The following MCTS2 variants were observed in gnomAD, a reference collection of about 807,000 sequenced individuals.
MCTS2 encodes the protein malignant T-cell-amplified sequence 2.
the MCTS2 span, chr20:31,548,045 A>G: frequency 6.4e-7 from 1 of 1,570,670 alleles, no homozygotes; most frequent in Non-Finnish European, 8.8e-7. Context: ...AAGACATATA[A>G]ATGAGCCTCA....
chr20:31,547,517 T>C, the MCTS2 span: 3 of 755,566 alleles, frequency 4.0e-6, no homozygotes, highest in South Asian at 1.6e-5. Flanking sequence ...TTCAAGAAGT[T>C]TGATGAAAAG....
At chr20:31,547,730 G>A in the MCTS2 span, 2 of 1,125,310 alleles carry the variant, frequency 1.8e-6, no homozygotes, top group Non-Finnish European at 2.6e-6. Flanking sequence ...CAAAGAAAGG[G>A]GCCTTTTTGT....
chr20:31,547,432 C>T, the MCTS2 span: 1 of 507,274 alleles, frequency 2.0e-6, no homozygotes, highest in Non-Finnish European at 3.5e-6. Flanking sequence ...CGCCGGCCTT[C>T]CTGCAGGGGA....
At chr20:31,547,416 C>T in the MCTS2 span, 2 of 461,346 alleles carry the variant, frequency 4.3e-6, no homozygotes, top group Non-Finnish European at 7.8e-6. Flanking sequence ...GGCCGCGTGG[C>T]GCCCGCGCCG....
the MCTS2 span, chr20:31,547,521 TGAAAAG>T: frequency 1.2e-5 from 9 of 768,484 alleles, no homozygotes; most frequent in African/African-American, 1.3e-4. Flanking sequence ...AGAAGTTTGA[TGAAAAG>T]GAAAGTGTGT....
At chr20:31,548,043 T>A in the MCTS2 span, 5 of 1,573,936 alleles carry the variant, frequency 3.2e-6, no homozygotes, top group Non-Finnish European at 4.4e-6. Context: ...TGAAGACATA[T>A]AAATGAGCCT....
chr20:31,547,892 C>T, the MCTS2 span: 4 of 1,055,240 alleles, frequency 3.8e-6, no homozygotes, highest in South Asian at 3.8e-5. Context: ...GCAGTAGATA[C>T]GATTGTAGCA....
chr20:31,548,074 G>A, the MCTS2 span: 1 of 1,389,838 alleles, frequency 7.2e-7, no homozygotes, highest in East Asian at 2.3e-5. Flanking sequence ...GCATTTGGGG[G>A]GCTAAATGTG....
chr20:31,547,493 C>T, the MCTS2 span: 1 of 664,124 alleles, frequency 1.5e-6, no homozygotes, highest in Non-Finnish European at 2.6e-6. Flanking sequence ...TCGCCCGCTT[C>T]ACCCTGGATC....
At chr20:31,547,546 A>G in the MCTS2 span, 1 of 927,366 alleles carries the variant, frequency 1.1e-6, no homozygotes. Flanking sequence ...GTCCAACTGC[A>G]TCCAGTTGAA....
the MCTS2 span, chr20:31,547,462 A>G: frequency 1.0e-5 from 6 of 594,928 alleles, no homozygotes; most frequent in South Asian, 2.1e-5. Context: ...AGCCTTGCCA[A>G]TTCCGTTTGT....
At chr20:31,547,875 C>T in the MCTS2 span, 2 of 996,260 alleles carry the variant, frequency 2.0e-6, no homozygotes, top group Non-Finnish European at 3.2e-6. Context: ...CTAAGCTGTA[C>T]CCTGCTGCAG....
the MCTS2 span, chr20:31,547,433 C>CT: frequency 1.9e-6 from 1 of 520,364 alleles, no homozygotes; most frequent in Non-Finnish European, 3.4e-6. Flanking sequence ...GCCGGCCTTC[C>CT]TGCAGGGGAC....
At chr20:31,547,729 G>A in the MCTS2 span, 1 of 1,123,576 alleles carries the variant, frequency 8.9e-7, no homozygotes, top group Non-Finnish European at 1.3e-6. Context: ...ACAAAGAAAG[G>A]GGCCTTTTTG....
the MCTS2 span, chr20:31,547,893 G>A: frequency 5.7e-6 from 6 of 1,052,496 alleles, no homozygotes; most frequent in African/African-American, 4.7e-5. Flanking sequence ...CAGTAGATAC[G>A]ATTGTAGCAG....
the MCTS2 span, chr20:31,547,495 C>CG: frequency 1.5e-6 from 1 of 686,508 alleles, no homozygotes; most frequent in East Asian, 2.8e-5. Flanking sequence ...GCCCGCTTCA[C>CG]CCTGGATCAT....
chr20:31,547,538 C>T, the MCTS2 span: 1 of 850,392 alleles, frequency 1.2e-6, no homozygotes, highest in Non-Finnish European at 1.9e-6. Flanking sequence ...GAAAGTGTGT[C>T]CAACTGCATC....
chr20:31,547,691 C>G, the MCTS2 span: 1 of 1,370,250 alleles, frequency 7.3e-7, no homozygotes, highest in African/African-American at 1.5e-5. Context: ...GAAATCCTTA[C>G]CGTAAGTGGG....
At chr20:31,547,766 A>T in the MCTS2 span, 1 of 963,750 alleles carries the variant, frequency 1.0e-6, no homozygotes, top group Non-Finnish European at 1.6e-6. Flanking sequence ...CTTCACAAAT[A>T]CCCTTTTATC....
Sources: allele counts gnomAD v4.1 joint callset, GRCh38; gene constraint gnomAD v4.1.1; transcripts MANE v1.5; gene names NCBI Gene and HGNC (gene_info 2026-07-23, HGNC 2026-07-21).